The following GAK variants were observed in gnomAD, a reference collection of about 807,000 sequenced individuals.
GAK encodes cyclin-G-associated kinase.
GAK carries 79 observed loss-of-function variants against 143.9 expected under a neutral mutation model. That is an observed-to-expected ratio of 0.55 (90% CI 0.46 to 0.66). GAK has a LOEUF of 0.66. Among genes scored for constraint, GAK ranks in the 30% least tolerant of loss-of-function variants. The pLI is 0.00. For missense variants in GAK, 1,693 were observed against 1,779.7 expected (o/e 0.95, Z 0.88); for synonymous variants, 881 against 765.5 (o/e 1.15, Z -2.49).
At position 866,509 on chromosome 4, in the gene GAK, C is replaced by T. The variant is rs149317198; in HGVS notation, c.2898G>A (p.Pro966=). Residue 966 remains proline, a synonymous_variant, in exon 22 of 28, where the codon CCG becomes CCA. Coordinates refer to ENST00000314167, the MANE Select transcript of GAK (RefSeq NM_005255.4). The part of the protein sequence containing the change: ...AAADPFGPLL[P]SSGNNSQPCS... ...AGGGCTGGGAGTTGTTGCCTGAAGA[C>T]GGCAGAAGCGGGCCAAAGGGGTCAG... 185 of 1,613,724 alleles carry T rather than the reference C, an allele frequency of 1.1e-4. No homozygotes were observed. The highest frequency in any genetic ancestry group is 1.5e-4 in the Non-Finnish European group (172 of 1,179,936).
chr4:876,062 T>G (rs992385367), intron 18 of GAK, among the ~76,000 whole-genome samples: 2 of 151,438 alleles, frequency 1.3e-5, no homozygotes, highest in East Asian at 3.9e-4. Context: ...GGCACCAACG[T>G]CAAGAGGACA....
At chr4:893,623 G>A (rs1428172502) in intron 8 of GAK, 134 bp from the exon 9 acceptor site, 3 of 722,026 alleles carry the variant, frequency 4.2e-6, no homozygotes, top group Non-Finnish European at 4.3e-6. Context: ...CAAGAAGGGA[G>A]CGGCAAAGGG....
At chr4:898,774 A>C (rs1306283813) in intron 5 of GAK, among the ~76,000 whole-genome samples, 1 of 152,162 alleles carries the variant, frequency 6.6e-6, no homozygotes, top group Non-Finnish European at 1.5e-5. Flanking sequence ...GAGGCAGGAG[A>C]ATCGCTTGAA....
intron 23 of GAK, among the ~76,000 whole-genome samples, chr4:864,697 C>A (rs1750845028): frequency 6.6e-6 from 1 of 152,026 alleles, no homozygotes; most frequent in Non-Finnish European, 1.5e-5. Flanking sequence ...GCATCGGCCG[C>A]AACACCGAGA....
chr4:897,040 A>G (rs1191002490), intron 6 of GAK, among the ~76,000 whole-genome samples: 1 of 152,256 alleles, frequency 6.6e-6, no homozygotes, highest in Non-Finnish European at 1.5e-5. Flanking sequence ...ACACGGAGGC[A>G]CTTGCGAGAG....
Position 851,961 on chromosome 4 carries a change from T to A in GAK, c.3297A>T (p.Gly1099=), listed in dbSNP as rs772313362. 2.0e-5 allele frequency: 32 copies of A among 1,613,428 alleles called. No homozygotes were observed. The highest frequency in any genetic ancestry group is 2.6e-5 in the Non-Finnish European group (31 of 1,179,770). The change falls in exon 25 of 28, where the codon GGA becomes GGT. Residue 1099 remains glycine, a synonymous_variant. Transcript: ENST00000314167. The stretch of plus-strand genomic sequence containing the variant: ...TGGGAATGAAGCCCCCAGGAGGGAA[T>A]CCAGCTGGTGAGCCTGTGGAGATGG... ...LSSGLQGSPA[G]FPPGGFIPKT... is the part of the protein sequence containing the mutation.
chr4:909,419 T>C (rs1000804323), intron 4 of GAK, among the ~76,000 whole-genome samples: 1 of 151,986 alleles, frequency 6.6e-6, no homozygotes, highest in Non-Finnish European at 1.5e-5. Flanking sequence ...ACAGGAGCCT[T>C]GACGAGGCCC....
At chr4:892,132 CCT>C (rs1717792908) in intron 9 of GAK, among the ~76,000 whole-genome samples, 1 of 152,182 alleles carries the variant, frequency 6.6e-6, no homozygotes, top group Admixed American at 6.5e-5. Context: ...AGGGTCCTGT[CCT>C]CAGACAGGGA....
intron 13 of GAK, 44 bp downstream of exon 13, chr4:883,271 G>C (rs371671197): frequency 1.9e-6 from 3 of 1,602,158 alleles, no homozygotes; most frequent in Non-Finnish European, 2.6e-6. Flanking sequence ...TGGAGCGGAA[G>C]GAAGCTCCAG....
intron 1 of GAK, among the ~76,000 whole-genome samples, chr4:929,041 C>T (rs567581028): frequency 4.7e-4 from 71 of 152,324 alleles, no homozygotes; most frequent in Middle Eastern, 3.4e-3. Context: ...GGATCACAGG[C>T]GTGAGCCACT....
In GAK at chr4:854,166, G is replaced by C. The variant is rs1375986066; in HGVS notation, c.3284-2192C>G. Among the ~76,000 whole-genome samples the C allele has an allele frequency of 2.6e-5, 4 of 151,590 alleles. No homozygotes were observed. In the East Asian group the frequency reaches 7.8e-4, roughly 29 times the overall value. On this transcript the variant is annotated intron_variant, in intron 24 of 27. Coordinates refer to ENST00000314167, the MANE Select transcript of GAK (RefSeq NM_005255.4). ...TCATTCTTGGGTGTTTCTCGCAGAGGGGGATTTGGCAGGGTCACAGGACAA... is the reference window on the plus strand; with the variant it reads ...TCATTCTTGGGTGTTTCTCGCAGAGCGGGATTTGGCAGGGTCACAGGACAA...
rs1475659575 is a variant in GAK, at chr4:876,511, A to T, written c.2054+19T>A. 1 of 1,611,554 alleles carries T rather than the reference A, an allele frequency of 6.2e-7. No individual in the cohort carries two copies. The highest frequency in any genetic ancestry group is 2.2e-5 in the East Asian group (1 of 44,876). ...GGGCACCTGTCCCTCCCCACCGAGC[A>T]CAAGCGGTACCAACGTACTTGGCAA... On this transcript the variant is annotated intron_variant, in intron 18 of 27. Coordinates refer to ENST00000314167, the MANE Select transcript of GAK (RefSeq NM_005255.4).
chr4:891,421 C>T (rs531920418), intron 9 of GAK, among the ~76,000 whole-genome samples: 25 of 152,158 alleles, frequency 1.6e-4, no homozygotes, highest in Non-Finnish European at 3.4e-4. Context: ...CACTTCAGCT[C>T]CTGGGTTCTG....
At chr4:901,330 G>A (rs1719834622) in intron 5 of GAK, among the ~76,000 whole-genome samples, 1 of 151,590 alleles carries the variant, frequency 6.6e-6, no homozygotes, top group Non-Finnish European at 1.5e-5. Context: ...CACGGCCTTG[G>A]ATCCCCCACC....
chr4:881,949 C>A lies in GAK; in HGVS notation c.1619G>T (p.Ser540Ile). The A allele has an allele frequency of 6.3e-7, 1 of 1,598,570 alleles. No individual in the cohort carries two copies. The highest frequency in any genetic ancestry group is 8.5e-7 in the Non-Finnish European group (1 of 1,172,650). Residue 540 changes from serine to isoleucine, a missense_variant, in exon 15 of 28, where the codon AGC (serine) becomes ATC (isoleucine). Ser to Ile is a moderately radical substitution (Grantham distance 142, BLOSUM62 -2). Transcript: ENST00000314167. ...GATGCCTGGTGGGCAGCGCTTCATG[C>A]TGAACATGTACACGGCGGCCTCCGC... is the stretch of plus-strand genomic sequence containing the variant. ...STAEAAVYMF[S>I]MKRCPPGIWP...
chr4:866,872 G>T, intron 21 of GAK, 84 bp downstream of exon 21: 3 of 1,091,452 alleles, frequency 2.7e-6, no homozygotes, highest in Non-Finnish European at 3.9e-6. Context: ...AAGCACCTTC[G>T]AAACACGCCC....
In GAK at chr4:890,580, G is replaced by C. The variant is rs999564164; in HGVS notation, c.1033C>G (p.Arg345Gly). Residue 345 changes from arginine to glycine, a missense_variant, in exon 10 of 28, where the codon CGA becomes GGA. Around this residue, in one of 2 missense-constraint regions of GAK, gnomAD observed 871 missense variants for 991.0 expected, o/e 0.88. Transcript: ENST00000314167. Reference sequence around the variant, plus strand: ...GGGCCCACGGGAGGGGGTGGCCCTCGGGACAGTGTGGCGCTCCCGTAGCCT... The same window carrying C: ...GGGCCCACGGGAGGGGGTGGCCCTCCGGACAGTGTGGCGCTCCCGTAGCCT... ...NGGYGSATLS[R>G]GPPPPVGPAG... 1.2e-6 allele frequency: 2 copies of C among 1,611,460 alleles called. No homozygotes were observed. The highest frequency in any genetic ancestry group is 1.7e-6 in the Non-Finnish European group (2 of 1,179,490).
At chr4:877,887 A>T (rs1564280) in intron 15 of GAK, 78 bp from the exon 16 acceptor site, 1 of 1,310,246 alleles carries the variant, frequency 7.6e-7, no homozygotes. Flanking sequence ...TTTCGAATAG[A>T]AGTTTTTCAT....
intron 11 of GAK, among the ~76,000 whole-genome samples, chr4:884,601 C>T (rs1411446273): frequency 6.6e-6 from 1 of 152,226 alleles, no homozygotes; most frequent in Non-Finnish European, 1.5e-5. Context: ...GTGGCCACAG[C>T]CAACTCTCTA....
Sources: gnomAD v4.1 joint callset for allele counts (sites outside exome capture counted in the v4.1 genomes callset) on GRCh38, gnomAD v4.1.1 for gene constraint, gnomAD v4.1.1 regional missense constraint, MANE v1.5 for transcripts, NCBI Gene and HGNC (gene_info 2026-07-23, HGNC 2026-07-21) for gene names.